Variants in GSTM4 observed in about 807,000 individuals in gnomAD.
The protein encoded by GSTM4 is GST class-mu 4.
Under a neutral mutation model 30.1 loss-of-function variants are expected in GSTM4, and 27 were observed. The ratio of observed to expected loss-of-function variants is 0.90; its 90% CI spans 0.66 to 1.24. The LOEUF (loss-of-function observed/expected upper bound fraction) is 1.24. Among genes scored for constraint, GSTM4 ranks in the 50% most tolerant of loss-of-function variants. The probability of loss-of-function intolerance (pLI) is 0.00; values close to 1 mark genes in which losing one functional copy is unlikely to be tolerated. For missense variants in GSTM4, 238 were observed against 272.1 expected (o/e 0.87, Z 0.88); for synonymous variants, 94 against 96.2 (o/e 0.98, Z 0.13).
downstream of GSTM4, chr1:109,665,112 T>C: frequency 2.2e-6 from 2 of 897,508 alleles, no homozygotes; most frequent in Non-Finnish European, 1.9e-6. Flanking sequence ...TGAGGGTGTT[T>C]CCAGAAGAGA....
At chr1:109,667,303 T>C (rs1176670267), downstream of GSTM4, among the ~76,000 whole-genome samples, 2 of 149,466 alleles carry the variant, frequency 1.3e-5, no homozygotes, top group Non-Finnish European at 3.0e-5. Flanking sequence ...TCCTGGTAGT[T>C]TTTTTTTTTT....
At chr1:109,662,247 A>G (rs1652348407), downstream of GSTM4, among the ~76,000 whole-genome samples, 1 of 152,192 alleles carries the variant, frequency 6.6e-6, no homozygotes, top group South Asian at 2.1e-4. Flanking sequence ...TGTATTCAGT[A>G]TTATTCAGTG....
chr1:109,660,142 T>A, intron 7 of GSTM4: 1 of 178,410 alleles, frequency 5.6e-6, no homozygotes, highest in East Asian at 1.8e-4. Context: ...CCACTACCCA[T>A]CAAGGGATCT....
downstream of GSTM4, among the ~76,000 whole-genome samples, chr1:109,662,840 A>G (rs1377304485): frequency 6.6e-6 from 1 of 152,216 alleles, no homozygotes; most frequent in East Asian, 1.9e-4. Flanking sequence ...CTAAACATAC[A>G]TCTACCCAGG....
At chr1:109,660,328 G>A (rs1264401904) in intron 7 of GSTM4, 1 of 153,554 alleles carries the variant, frequency 6.5e-6, no homozygotes, top group Non-Finnish European at 1.4e-5. Flanking sequence ...GAAATTACAC[G>A]GCTATTTGAT....
downstream of GSTM4, among the ~76,000 whole-genome samples, chr1:109,666,652 C>A (rs1275692358): frequency 1.3e-5 from 2 of 152,192 alleles, no homozygotes; most frequent in African/African-American, 4.8e-5. Context: ...GAAGTGGGTC[C>A]TTTGGCCTGC....
At chr1:109,667,399 C>T (rs1647367160), downstream of GSTM4, among the ~76,000 whole-genome samples, 3 of 151,570 alleles carry the variant, frequency 2.0e-5, no homozygotes, top group East Asian at 5.9e-4. Flanking sequence ...CAGATTCTAA[C>T]GTTTCCACAT....
chr1:109,666,208 A>G (rs967401777), downstream of GSTM4, among the ~76,000 whole-genome samples: 1 of 152,072 alleles, frequency 6.6e-6, no homozygotes, highest in Non-Finnish European at 1.5e-5. Flanking sequence ...CTCCCACCTC[A>G]GCCTCTCAAG....
At chr1:109,664,166 G>A (rs1372392143), downstream of GSTM4, among the ~76,000 whole-genome samples, 1 of 151,982 alleles carries the variant, frequency 6.6e-6, no homozygotes, top group Non-Finnish European at 1.5e-5. Context: ...TATTGGGCAT[G>A]TGGATTTTTC....
chr1:109,656,840 A>G, intron 2 of GSTM4, 53 bp downstream of exon 2: 2 of 1,567,818 alleles, frequency 1.3e-6, no homozygotes, highest in East Asian at 2.2e-5. Context: ...GTTGGCACCA[A>G]GCAACCCATG....
chr1:109,664,579 C>T (rs935100449), downstream of GSTM4, among the ~76,000 whole-genome samples: 4 of 151,502 alleles, frequency 2.6e-5, no homozygotes, highest in African/African-American at 9.7e-5. Context: ...AGGCTGGTCT[C>T]GAACTCCTGA....
intron 1 of GSTM4, 132 bp from the exon 2 acceptor site, chr1:109,656,580 G>C (rs1206286636): frequency 2.0e-5 from 15 of 742,310 alleles, no homozygotes; most frequent in Non-Finnish European, 2.8e-5. Context: ...GTGTGTGTGT[G>C]TGTGTGTGTG....
At position 109,656,281 on chromosome 1, in the gene GSTM4, A is replaced by C. The variant is rs943931474; in HGVS notation, c.-109A>C. ...AAGATCGGCGGGCGCAGCGGGGCCG[A>C]GGGGGCGGGTCTGGCGCTAGGTCCA... On this transcript the variant is annotated 5_prime_UTR_variant, in exon 1 of 8. Coordinates refer to ENST00000369836, the MANE Select transcript of GSTM4 (RefSeq NM_000850.5). 13 of 1,077,696 alleles carry C rather than the reference A, an allele frequency of 1.2e-5. No individual in the cohort carries two copies. The highest frequency in any genetic ancestry group is 1.9e-5 in the Non-Finnish European group (13 of 698,938). The allele number at this position is 1,077,696 out of a possible 1,614,324, so 66.8% of individuals were successfully genotyped here. A position where few individuals can be genotyped will look rare whatever the true frequency, so the allele number is the denominator to read the frequency against.
downstream of GSTM4, among the ~76,000 whole-genome samples, chr1:109,664,376 T>TTTTTTTTTTTTTG: frequency 7.6e-6 from 1 of 130,830 alleles, no homozygotes; most frequent in African/African-American, 2.9e-5. Context: ...TTTTTTTTTT[T>TTTTTTTTTTTTTG]TGATGTGGAG....
At chr1:109,659,791 G>T in intron 7 of GSTM4, 1 of 571,924 alleles carries the variant, frequency 1.7e-6, no homozygotes, top group South Asian at 1.4e-5. Context: ...TCCCTCCAGT[G>T]TTCCAAGTGT....
chr1:109,663,049 T>A (rs963444470), downstream of GSTM4, among the ~76,000 whole-genome samples: 1 of 152,216 alleles, frequency 6.6e-6, no homozygotes, highest in African/African-American at 2.4e-5. Flanking sequence ...TCTGCTATAA[T>A]GAAAATAAAC....
chr1:109,660,744 GGA>G (rs1236553294), intron 7 of GSTM4: 1 of 195,122 alleles, frequency 5.1e-6, no homozygotes, highest in African/African-American at 2.3e-5. Flanking sequence ...GGCCAGAACT[GGA>G]GAGAGACAGA....
intron 2 of GSTM4, 86 bp downstream of exon 2, chr1:109,656,873 G>A (rs1432917021): frequency 7.6e-7 from 1 of 1,314,508 alleles, no homozygotes; most frequent in African/African-American, 1.4e-5. Context: ...GGCTACCTCT[G>A]CAGGCCTCCC....
At position 109,659,387 on chromosome 1, in the gene GSTM4, G is replaced by C. The variant is rs1325650773; in HGVS notation, c.567+277G>C. 19 of 1,460,414 alleles carry C rather than the reference G, an allele frequency of 1.3e-5. No individual in the cohort carries two copies. In the South Asian group the frequency reaches 2.6e-4, roughly 20 times the overall value. 90.5% of individuals were successfully genotyped at this position (1,460,414 alleles called of 1,614,324 possible). ...CTGGGTCCCAGAGCCAGTGGAGGCT[G>C]TGCTGGGCTCCCTGTGAGCATCTGG... On this transcript the variant is annotated intron_variant, in intron 7 of 7. Transcript: ENST00000369836.
Sources: allele counts gnomAD v4.1 joint callset (sites outside exome capture counted in the v4.1 genomes callset), GRCh38; gene constraint gnomAD v4.1.1; transcripts MANE v1.5; gene names NCBI Gene and HGNC (gene_info 2026-07-23, HGNC 2026-07-21).